Variants in ZNF827 observed in about 807,000 individuals in gnomAD.
The protein encoded by ZNF827 is zinc finger protein 827.
A neutral mutation model predicts 102.4 loss-of-function variants in ZNF827; 13 were observed. The observed-to-expected ratio is 0.13, with a 90% CI of 0.08 to 0.20. The LOEUF (loss-of-function observed/expected upper bound fraction) is 0.20. Among genes scored for constraint, ZNF827 ranks in the 10% least tolerant of loss-of-function variants. The pLI is 1.00. For synonymous variants in ZNF827, 523 were observed against 536.2 expected, an observed-to-expected ratio of 0.98 and a Z score of 0.34; for missense variants, 1,103 against 1,344.4, an observed-to-expected ratio of 0.82 and a Z score of 2.81.
intron 5 of ZNF827, among the ~76,000 whole-genome samples, chr4:145,850,815 G>C (rs1257942994): frequency 6.6e-6 from 1 of 152,180 alleles, no homozygotes; most frequent in Admixed American, 6.5e-5. Flanking sequence ...TAGAGTAGTG[G>C]GTTGAATTGT....
intron 5 of ZNF827, among the ~76,000 whole-genome samples, chr4:145,856,985 G>GCACA (rs70956877): frequency 0.013 from 1,849 of 140,120 alleles, 11 homozygotes; most frequent in East Asian, 0.021. Flanking sequence ...GCACGCGCAC[G>GCACA]CACACACACA....
rs769214201 is a variant in ZNF827 at position 145,892,294 on chromosome 4, C to T, written c.1215G>A (p.Pro405=). The T allele has an allele frequency of 1.5e-5, 24 of 1,613,920 alleles. No individual in the cohort carries two copies. The highest frequency in any genetic ancestry group is 1.9e-5 in the Non-Finnish European group (23 of 1,179,940). The change falls in exon 3 of 15, where the codon CCG becomes CCA. Residue 405 remains proline (P), a synonymous_variant. Coordinates refer to ENST00000508784, the MANE Select transcript of ZNF827 (RefSeq NM_001306215.2). ...TGCGAGCACACCGGAATGGACAGAG[C>T]GGACACTGATGACTTTTTAAACCTG... The part of the protein sequence containing the change: ...IHTGLKSHQC[P]LCPFRCARKD...
intron 1 of ZNF827, among the ~76,000 whole-genome samples, chr4:145,924,469 T>C (rs767106654): frequency 2.0e-5 from 3 of 152,184 alleles, no homozygotes; most frequent in African/African-American, 2.4e-5. Context: ...TTGCTGATTA[T>C]TGAGGAACCA....
chr4:145,773,669 T>A (rs944975510), intron 11 of ZNF827, among the ~76,000 whole-genome samples: 1 of 152,200 alleles, frequency 6.6e-6, no homozygotes, highest in African/African-American at 2.4e-5. Context: ...CATCAATAAA[T>A]GGAAGAAGTT....
At chr4:145,908,938 T>G (rs1436067711) in intron 1 of ZNF827, among the ~76,000 whole-genome samples, 1 of 152,144 alleles carries the variant, frequency 6.6e-6, no homozygotes, top group East Asian at 1.9e-4. Flanking sequence ...TGAGGGCGAT[T>G]TTAATAGTAG....
intron 1 of ZNF827, among the ~76,000 whole-genome samples, chr4:145,917,988 G>A (rs1380787653): frequency 6.6e-6 from 1 of 151,970 alleles, no homozygotes; most frequent in Non-Finnish European, 1.5e-5. Flanking sequence ...AAAATATATT[G>A]GGCAATTTAA....
chr4:145,937,631 C>G (rs1754303038), intron 1 of ZNF827, among the ~76,000 whole-genome samples: 1 of 146,854 alleles, frequency 6.8e-6, no homozygotes, highest in Non-Finnish European at 1.5e-5. Context: ...GCGTGTGTAC[C>G]CGTGTGTTTG....
At position 145,902,992 on chromosome 4, in the gene ZNF827, C is replaced by G; in HGVS notation, c.267G>C (p.Glu89Asp). Residue 89 changes from glutamate (E) to aspartate (D), a missense_variant, in exon 2 of 15, where the codon GAG (glutamate) becomes GAC (aspartate). By Grantham distance (45) the Glu-to-Asp change is conservative. Coordinates refer to ENST00000508784, the MANE Select transcript of ZNF827 (RefSeq NM_001306215.2). This position sits in a 1 kb window ranked among gnomAD's most constrained non-coding sequence, Gnocchi z 4.3. Reference sequence around the variant, plus strand: ...GACACTGCAGTGAGTCTCGCAGGACCTCACTGTCCAGTGCCACCAGCTCCA... The same window carrying G: ...GACACTGCAGTGAGTCTCGCAGGACGTCACTGTCCAGTGCCACCAGCTCCA... The part of the protein sequence containing the change: ...HTLELVALDS[E>D]VLRDSLQCQD... The G allele has an allele frequency of 6.2e-7, 1 of 1,614,144 alleles. No individual in the cohort carries two copies. The highest frequency in any genetic ancestry group is 8.5e-7 in the Non-Finnish European group (1 of 1,180,010).
intron 1 of ZNF827, among the ~76,000 whole-genome samples, chr4:145,923,749 T>C (rs1234320060): frequency 6.6e-6 from 1 of 152,234 alleles, no homozygotes; most frequent in African/African-American, 2.4e-5. Flanking sequence ...AAATATGCTA[T>C]TTATAGTTAA....
At chr4:145,890,583 G>C (rs939135714) in intron 3 of ZNF827, among the ~76,000 whole-genome samples, 1 of 152,196 alleles carries the variant, frequency 6.6e-6, no homozygotes, top group African/African-American at 2.4e-5. Context: ...CTAGATGCAA[G>C]TTTTCTGCTC....
In ZNF827 at chr4:145,892,663, C is replaced by T. The variant is rs543549007; in HGVS notation, c.1094-248G>A. Reference sequence around the variant, plus strand: ...TCTGATCATCCTGCCTTGTGAAAGTCTGACTTCCAAAGGCCATCCAACACT... The same window carrying T: ...TCTGATCATCCTGCCTTGTGAAAGTTTGACTTCCAAAGGCCATCCAACACT... On this transcript the variant is annotated intron_variant, in intron 2 of 14. Transcript: ENST00000508784. 1.7e-3 allele frequency among the ~76,000 whole-genome samples: 255 copies of T among 145,752 alleles called. 1 individual carries two copies. The highest frequency in any genetic ancestry group is 5.9e-3 in the African/African-American group (241 of 41,140).
chr4:145,886,964 A>G (rs1346483341), intron 3 of ZNF827, among the ~76,000 whole-genome samples: 1 of 152,260 alleles, frequency 6.6e-6, no homozygotes, highest in Non-Finnish European at 1.5e-5. Flanking sequence ...TGCTTAAAAA[A>G]GTGAGGAAAT....
At chr4:145,829,084 T>C (rs1248883802) in intron 7 of ZNF827, among the ~76,000 whole-genome samples, 1 of 152,160 alleles carries the variant, frequency 6.6e-6, no homozygotes, top group East Asian at 1.9e-4. Context: ...GTACAGACTG[T>C]GAGAGAAAGT....
intron 1 of ZNF827, among the ~76,000 whole-genome samples, chr4:145,933,230 T>C (rs957867560): frequency 1.3e-5 from 2 of 152,230 alleles, no homozygotes; most frequent in African/African-American, 2.4e-5. Context: ...GATGTTCTTT[T>C]TAGAGAACAG....
intron 4 of ZNF827, among the ~76,000 whole-genome samples, chr4:145,873,287 G>A (rs1748869686): frequency 6.6e-6 from 1 of 152,116 alleles, no homozygotes; most frequent in Admixed American, 6.5e-5. Context: ...AATAGTGCCT[G>A]GTACATAGTT....
At chr4:145,938,307 AAG>A (rs1219912299) in intron 1 of ZNF827, 56 bp downstream of exon 1, 1 of 1,601,018 alleles carries the variant, frequency 6.2e-7, no homozygotes, top group Non-Finnish European at 8.6e-7. Context: ...GCGGAGGGGA[AAG>A]AGGAGAGGGA....
At position 145,845,972 on chromosome 4, in the gene ZNF827, T is replaced by C; in HGVS notation, c.2263A>G (p.Ile755Val). Residue 755 changes from isoleucine to valine, a missense_variant, in exon 7 of 15, where the codon ATC becomes GTC. Physicochemically the swap from Ile to Val is conservative, Grantham distance 29. This residue lies in a region of ZNF827 where 243 missense variants were observed against 251.6 expected (regional missense o/e 0.97). Transcript: ENST00000508784. ...GTCGCCTACCTGGTCGTGGTCCGGA[T>C]GGTGTTTTCTTTTGTATGATTGTGC... Reference protein sequence around the residue: ...KEHNHTKENTIRTTTSPFFSE... With the variant: ...KEHNHTKENTVRTTTSPFFSE... The C allele has an allele frequency of 4.3e-6, 7 of 1,614,230 alleles. No individual in the cohort carries two copies. The highest frequency in any genetic ancestry group is 5.9e-6 in the Non-Finnish European group (7 of 1,180,034).
chr4:145,770,580 TA>T (rs1736120858), intron 11 of ZNF827, among the ~76,000 whole-genome samples: 1 of 151,596 alleles, frequency 6.6e-6, no homozygotes, highest in African/African-American at 2.4e-5. Context: ...TATTCTATTA[TA>T]AAACATACAT....
intron 5 of ZNF827, among the ~76,000 whole-genome samples, chr4:145,857,257 T>C (rs953038545): frequency 8.5e-5 from 13 of 152,230 alleles, no homozygotes; most frequent in Non-Finnish European, 1.5e-4. Flanking sequence ...GCACCAGGTA[T>C]TCTATTTTGC....
Sources: allele counts gnomAD v4.1 joint callset (sites outside exome capture counted in the v4.1 genomes callset), GRCh38; gene constraint gnomAD v4.1.1; regional missense constraint gnomAD v4.1.1; non-coding constraint Gnocchi (gnomAD v3.1); transcripts MANE v1.5; gene names NCBI Gene and HGNC (gene_info 2026-07-23, HGNC 2026-07-21).